JCAD: variants seen among roughly 807,000 people sequenced by gnomAD.
The protein encoded by JCAD is junctional cadherin 5 associated.
In JCAD, 40 loss-of-function variants were observed where a neutral mutation model predicts 98.0. The observed-to-expected ratio is 0.41, with a 90% CI of 0.32 to 0.53. JCAD has a LOEUF of 0.53. JCAD is among the 20% of genes least tolerant of loss of function. JCAD has a pLI of 0.31. For missense variants in JCAD, 1,705 were observed against 1,738.1 expected, an observed-to-expected ratio of 0.98 and a Z score of 0.34; for synonymous variants, 691 against 682.3, an observed-to-expected ratio of 1.01 and a Z score of -0.20.
Position 30,027,599 on chromosome 10 carries a change from C to T in JCAD, c.2549G>A (p.Ser850Asn). ...GCTGCTGCTGCTGCTGCTGCTGCTA[C>T]TGCTGCTTTCTTCCTCTTCCTGGAG... is the stretch of plus-strand genomic sequence containing the variant. ...KELQEEEESS[S>N]SSSSSSSSSE... The change falls in exon 3 of 4, where the codon AGT becomes AAT. Residue 850 changes from serine (S) to asparagine (N), a missense_variant. Physicochemically the swap from Ser to Asn is conservative, Grantham distance 46. This residue lies in a region of JCAD where 1,278 missense variants were observed against 1,243.1 expected (regional missense o/e 1.03). Coordinates refer to ENST00000375377, the MANE Select transcript of JCAD (RefSeq NM_020848.4). 6.2e-7 allele frequency: 1 copy of T among 1,614,250 alleles called. No homozygotes were observed. The highest frequency in any genetic ancestry group is 8.5e-7 in the Non-Finnish European group (1 of 1,180,054).
At chr10:30,031,873 G>A (rs1385096172) in intron 2 of JCAD, among the ~76,000 whole-genome samples, 1 of 148,236 alleles carries the variant, frequency 6.7e-6, no homozygotes, top group Non-Finnish European at 1.5e-5. Context: ...TCCTGCCTCA[G>A]CCTCCCAAGT....
intron 1 of JCAD, among the ~76,000 whole-genome samples, chr10:30,072,181 G>A (rs925460295): frequency 9.9e-5 from 15 of 151,898 alleles, no homozygotes; most frequent in Non-Finnish European, 1.8e-4. Flanking sequence ...AGGAGAGAGG[G>A]AGGGGAGAGG....
chr10:30,023,973 G>A (rs1408304838), intron 3 of JCAD, among the ~76,000 whole-genome samples: 1 of 152,158 alleles, frequency 6.6e-6, no homozygotes, highest in African/African-American at 2.4e-5. Context: ...AGACCAACCT[G>A]AGCAGTGTAG....
In JCAD at chr10:30,026,843, C is replaced by G. The variant is rs1403529205; in HGVS notation, c.3305G>C (p.Gly1102Ala). The change falls in exon 3 of 4, where the codon GGC becomes GCC. Residue 1102 changes from glycine (G) to alanine (A), a missense_variant. Physicochemically the swap from Gly to Ala is moderately conservative, Grantham distance 60. Transcript: ENST00000375377. The part of the protein sequence containing the change: ...IEVAVESLLP[G>A]IRRAGQNQPA... Reference sequence around the variant, plus strand: ...CTGGTTCTGTCCCGCTCTCCGGATGCCCGGCAGGAGGGACTCCACCGCCAC... The same window carrying G: ...CTGGTTCTGTCCCGCTCTCCGGATGGCCGGCAGGAGGGACTCCACCGCCAC... 20 of 1,613,972 alleles carry G rather than the reference C, an allele frequency of 1.2e-5. 2 individuals carry two copies. The highest frequency in any genetic ancestry group is 1.2e-5 in the Non-Finnish European group (14 of 1,180,018).
At chr10:30,092,451 C>G (rs1327388866) in intron 1 of JCAD, among the ~76,000 whole-genome samples, 1 of 152,072 alleles carries the variant, frequency 6.6e-6, no homozygotes, top group Non-Finnish European at 1.5e-5. Context: ...TCCCACTCTC[C>G]CATCTAGTTC....
Position 30,047,595 on chromosome 10 carries a change from C to T in JCAD, c.218G>A (p.Arg73His), listed in dbSNP as rs774647123. ...KGHVSDSESRRSTPRGHGEPQ... is the reference protein window; with the variant it reads ...KGHVSDSESRHSTPRGHGEPQ... ...CTCCCCGTGGCCTCTCGGTGTGCTG[C>T]GGCGGCTTTCGGAGTCACTCACATG... Residue 73 changes from arginine (R) to histidine (H), a missense_variant, in exon 2 of 4, where the codon CGC becomes CAC. Around this residue, in one of 3 missense-constraint regions of JCAD, gnomAD observed 152 missense variants for 148.0 expected, o/e 1.03. Coordinates refer to ENST00000375377, the MANE Select transcript of JCAD (RefSeq NM_020848.4). 7.4e-6 allele frequency: 12 copies of T among 1,614,030 alleles called. 1 individual carries two copies. The South Asian group carries it at 8.8e-5, about 12-fold the overall frequency.
intron 1 of JCAD, among the ~76,000 whole-genome samples, chr10:30,076,388 A>T (rs141486940): frequency 6.6e-6 from 1 of 152,162 alleles, no homozygotes; most frequent in African/African-American, 2.4e-5. Context: ...TCAGAACATC[A>T]AAGTTTTTAT....
At chr10:30,112,319 T>TA (rs1245244913) in intron 1 of JCAD, among the ~76,000 whole-genome samples, 141 of 146,462 alleles carry the variant, frequency 9.6e-4, no homozygotes, top group African/African-American at 1.4e-3. Flanking sequence ...ACAAAAAATT[T>TA]AAAAAAAAAA....
intron 1 of JCAD, among the ~76,000 whole-genome samples, chr10:30,104,935 T>C (rs1331577551): frequency 2.6e-5 from 4 of 152,220 alleles, no homozygotes; most frequent in Admixed American, 1.3e-4. Flanking sequence ...ATAGTTAGCA[T>C]TGATTGAATG....
In JCAD at chr10:30,028,125, G is replaced by A. The variant is rs993453529; in HGVS notation, c.2023C>T (p.Leu675Phe). The A allele has an allele frequency of 6.2e-7, 1 of 1,614,110 alleles. No individual in the cohort carries two copies. Among genetic ancestry groups the A allele is most frequent in the African/African-American group, 1.3e-5 (1 of 74,944 alleles). The change falls in exon 3 of 4, where the codon CTC becomes TTC. Residue 675 changes from leucine (L) to phenylalanine (F), a missense_variant. Transcript: ENST00000375377. Reference sequence around the variant, plus strand: ...CCTGGCCAAGAGCCAGAATGCTTGAGTTCTCTGTGCTTTGTAAGGTGGATG... The same window carrying A: ...CCTGGCCAAGAGCCAGAATGCTTGAATTCTCTGTGCTTTGTAAGGTGGATG... Reference protein sequence around the residue: ...SFIHLTKHRELKHSGSWPGHR... With the variant: ...SFIHLTKHREFKHSGSWPGHR...
chr10:30,099,597 G>T (rs1243881930), intron 1 of JCAD, among the ~76,000 whole-genome samples: 1 of 151,788 alleles, frequency 6.6e-6, no homozygotes, highest in Non-Finnish European at 1.5e-5. Flanking sequence ...ACAGGAAGGG[G>T]TATAATAAAC....
chr10:30,075,607 C>A (rs560969073), intron 1 of JCAD, among the ~76,000 whole-genome samples: 1 of 152,280 alleles, frequency 6.6e-6, no homozygotes, highest in East Asian at 1.9e-4. Context: ...TGGGAAGCTA[C>A]GCGGAATACA....
intron 1 of JCAD, among the ~76,000 whole-genome samples, chr10:30,054,726 T>G (rs1837533536): frequency 2.0e-5 from 3 of 151,396 alleles, no homozygotes; most frequent in Non-Finnish European, 4.4e-5. Context: ...TGGAGTGCAG[T>G]GGCGCAATCT....
Position 30,026,565 on chromosome 10 carries a change from G to T in JCAD, c.3583C>A (p.Pro1195Thr). 6.2e-7 allele frequency: 1 copy of T among 1,614,174 alleles called. No individual in the cohort carries two copies. Among genetic ancestry groups the T allele is most frequent in the Non-Finnish European group, 8.5e-7 (1 of 1,180,036 alleles). The change falls in exon 3 of 4, where the codon CCC becomes ACC. Residue 1195 changes from proline to threonine, a missense_variant. Pro to Thr is a conservative substitution (Grantham distance 38). Around this residue, in one of 3 missense-constraint regions of JCAD, gnomAD observed 1,278 missense variants for 1,243.1 expected, o/e 1.03. Coordinates refer to ENST00000375377, the MANE Select transcript of JCAD (RefSeq NM_020848.4). ...TGTTCGAAGAACTTGGACTCCAAGG[G>T]GCTGGGCTCAGGCTCAGGGACAGGG... is the stretch of plus-strand genomic sequence containing the variant. ...TDPVPEPEPSPLESKFFEQKD... is the reference protein window; with the variant it reads ...TDPVPEPEPSTLESKFFEQKD...
In JCAD at chr10:30,028,773, T is replaced by C; in HGVS notation, c.1375A>G (p.Thr459Ala). 1 of 1,614,220 alleles carries C rather than the reference T, an allele frequency of 6.2e-7. No homozygotes were observed. The highest frequency in any genetic ancestry group is 1.1e-5 in the South Asian group (1 of 91,088). The change falls in exon 3 of 4, where the codon ACT becomes GCT. Residue 459 changes from threonine (T) to alanine (A), a missense_variant. Thr to Ala is a moderately conservative substitution (Grantham distance 58). This residue lies in a region of JCAD where 1,278 missense variants were observed against 1,243.1 expected (regional missense o/e 1.03). Coordinates refer to ENST00000375377, the MANE Select transcript of JCAD (RefSeq NM_020848.4). ...DDKSYNSSPV[T>A]AQEPAHGGMQ... Reference sequence around the variant, plus strand: ...CCTCCATGAGCCGGCTCTTGAGCAGTGACAGGACTGGAGTTATATGATTTA... The same window carrying C: ...CCTCCATGAGCCGGCTCTTGAGCAGCGACAGGACTGGAGTTATATGATTTA...
intron 1 of JCAD, among the ~76,000 whole-genome samples, chr10:30,095,219 A>G (rs1277518983): frequency 6.6e-6 from 1 of 152,124 alleles, no homozygotes; most frequent in Non-Finnish European, 1.5e-5. Flanking sequence ...TTTGCCCATG[A>G]TGGACAAGTT....
chr10:30,043,336 A>T (rs937335079), intron 2 of JCAD, among the ~76,000 whole-genome samples: 1 of 152,230 alleles, frequency 6.6e-6, no homozygotes, highest in Non-Finnish European at 1.5e-5. Context: ...AAAGAAAAAA[A>T]AAAGTAAAAA....
intron 2 of JCAD, among the ~76,000 whole-genome samples, chr10:30,037,508 CCAGT>C (rs1377523803): frequency 2.6e-5 from 4 of 152,070 alleles, no homozygotes; most frequent in African/African-American, 9.7e-5. Flanking sequence ...CCACAAATGC[CCAGT>C]CAGACTGCTA....
chr10:30,110,299 A>G (rs866273949), intron 1 of JCAD, among the ~76,000 whole-genome samples: 42 of 150,052 alleles, frequency 2.8e-4, no homozygotes, highest in Non-Finnish European at 5.3e-4. Flanking sequence ...TGATGTATGG[A>G]CTCATTGATG....
Sources: gnomAD v4.1 joint callset for allele counts (sites outside exome capture counted in the v4.1 genomes callset) on GRCh38, gnomAD v4.1.1 for gene constraint, gnomAD v4.1.1 regional missense constraint, MANE v1.5 for transcripts, NCBI Gene and HGNC (gene_info 2026-07-23, HGNC 2026-07-21) for gene names.